NCKAP5: variants seen among roughly 807,000 people sequenced by gnomAD.
NCKAP5 encodes the protein nck-associated protein 5.
NCKAP5 carries 92 observed loss-of-function variants against 167.0 expected under a neutral mutation model. The observed-to-expected ratio is 0.55, with a 90% CI of 0.47 to 0.66. The LOEUF (loss-of-function observed/expected upper bound fraction) is 0.66, where lower values mean the gene tolerates loss of function less well. NCKAP5 is among the 30% of genes least tolerant of loss of function. The pLI is 0.00. For missense variants in NCKAP5, 2,378 were observed against 2,315.0 expected (o/e 1.03, Z -0.56); for synonymous variants, 891 against 877.4 (o/e 1.02, Z -0.27).
chr2:132,674,632 G>C (rs1432643621), intron 19 of NCKAP5, among the ~76,000 whole-genome samples: 1 of 152,144 alleles, frequency 6.6e-6, no homozygotes, highest in Non-Finnish European at 1.5e-5. Context: ...TTTTGATTGG[G>C]AAAATAGATA....
intron 3 of NCKAP5, among the ~76,000 whole-genome samples, chr2:133,470,497 T>C (rs2151278222): frequency 6.6e-6 from 1 of 152,328 alleles, no homozygotes; most frequent in Non-Finnish European, 1.5e-5. Context: ...AGGTGGAGCC[T>C]ACAGAGGCAG....
intron 3 of NCKAP5, among the ~76,000 whole-genome samples, chr2:133,411,202 C>G (rs921379322): frequency 2.0e-5 from 3 of 152,172 alleles, no homozygotes; most frequent in African/African-American, 4.8e-5. Flanking sequence ...TGTTCCTTGC[C>G]CATGTCACAT....
At chr2:133,233,200 T>C (rs1294161038) in intron 4 of NCKAP5, among the ~76,000 whole-genome samples, 2 of 152,176 alleles carry the variant, frequency 1.3e-5, no homozygotes, top group African/African-American at 2.4e-5. Flanking sequence ...TAATTCAGCA[T>C]TATATTCATT....
intron 5 of NCKAP5, among the ~76,000 whole-genome samples, chr2:133,177,628 T>C (rs2150018766): frequency 6.6e-6 from 1 of 152,164 alleles, no homozygotes. Context: ...ATATCTGAGG[T>C]CTCCACTCCT....
intron 3 of NCKAP5, among the ~76,000 whole-genome samples, chr2:133,494,066 T>C (rs1681711797): frequency 6.6e-6 from 1 of 152,228 alleles, no homozygotes; most frequent in Non-Finnish European, 1.5e-5. Context: ...GTGGAACTCA[T>C]GCTTTGGCCT....
chr2:133,470,841 A>G (rs1236694750), intron 3 of NCKAP5, among the ~76,000 whole-genome samples: 1 of 152,198 alleles, frequency 6.6e-6, no homozygotes, highest in Non-Finnish European at 1.5e-5. Flanking sequence ...GCGCTTCCCA[A>G]GTGAGGCAAT....
chr2:133,654,411 A>AATCC, the NCKAP5 span, among the ~76,000 whole-genome samples: 1 of 150,436 alleles, frequency 6.6e-6, no homozygotes, highest in African/African-American at 2.5e-5. Context: ...TAAATAAATA[A>AATCC]ATCCCTCAAA....
In NCKAP5 at chr2:132,672,976, C is replaced by A. The variant is rs1416591694; in HGVS notation, c.*313G>T. 3.2e-5 allele frequency: 10 copies of A among 316,392 alleles called. No individual in the cohort carries two copies. Among genetic ancestry groups the A allele is most frequent in the Non-Finnish European group, 3.6e-5 (9 of 248,420 alleles). 19.6% of individuals were successfully genotyped at this position (316,392 alleles called of 1,614,324 possible). A position where few individuals can be genotyped will look rare whatever the true frequency, so the allele number is the denominator to read the frequency against. On this transcript the variant is annotated 3_prime_UTR_variant, in exon 20 of 20. Transcript: ENST00000409261. ...GGTGCACCCCCCACCCCCCACCCAT[C>A]ATTTCTTAAGCGCTCCAGTCCCAGC...
chr2:132,897,375 T>G (rs1693286236), intron 8 of NCKAP5, among the ~76,000 whole-genome samples: 2 of 152,218 alleles, frequency 1.3e-5, no homozygotes, highest in South Asian at 4.1e-4. Flanking sequence ...GGGAAAACAG[T>G]GTCTTGTTGA....
At chr2:132,981,344 A>C (rs968815786) in intron 7 of NCKAP5, among the ~76,000 whole-genome samples, 1 of 152,266 alleles carries the variant, frequency 6.6e-6, no homozygotes, top group African/African-American at 2.4e-5. Context: ...CTGAGACAGC[A>C]GGCCAGGCCC....
At chr2:133,225,235 G>C (rs976962213) in intron 4 of NCKAP5, among the ~76,000 whole-genome samples, 5 of 126,618 alleles carry the variant, frequency 3.9e-5, no homozygotes, top group African/African-American at 1.4e-4. Flanking sequence ...GGGAATTCTT[G>C]AGGGAAAAAA....
At chr2:132,957,685 C>T (rs1340263106) in intron 8 of NCKAP5, among the ~76,000 whole-genome samples, 1 of 151,722 alleles carries the variant, frequency 6.6e-6, no homozygotes, top group Non-Finnish European at 1.5e-5. Context: ...GACATAAAAC[C>T]TAAAAAATAT....
At chr2:133,380,050 C>G (rs1686411155) in intron 3 of NCKAP5, among the ~76,000 whole-genome samples, 1 of 151,988 alleles carries the variant, frequency 6.6e-6, no homozygotes, top group Admixed American at 6.6e-5. Flanking sequence ...TGAATCTCAT[C>G]CTGTGGAACC....
chr2:132,782,001 T>A lies in NCKAP5; in HGVS notation c.4810A>T (p.Asn1604Tyr). The change falls in exon 14 of 20, where the codon AAT (asparagine) becomes TAT (tyrosine). Residue 1604 changes from asparagine (N) to tyrosine (Y), a missense_variant. Coordinates refer to ENST00000409261, the MANE Select transcript of NCKAP5 (RefSeq NM_207363.3). Reference protein sequence around the residue: ...IYNQLKIEPRNRHSPVACSTK... With the variant: ...IYNQLKIEPRYRHSPVACSTK... ...GAACATGCAACAGGGCTGTGTCTAT[T>A]CCTTGGTTCAATCTTCAGTTGGTTG... 1 of 1,614,034 alleles carries A rather than the reference T, an allele frequency of 6.2e-7. No individual in the cohort carries two copies. The highest frequency in any genetic ancestry group is 2.2e-5 in the East Asian group (1 of 44,884).
intron 11 of NCKAP5, among the ~76,000 whole-genome samples, chr2:132,836,575 G>A (rs1377160932): frequency 6.6e-6 from 1 of 151,826 alleles, no homozygotes; most frequent in Admixed American, 6.6e-5. Context: ...TAAGTTATTG[G>A]GGTACAGGTG....
At position 132,751,541 on chromosome 2, in the gene NCKAP5, G is replaced by T. The variant is rs111453579; in HGVS notation, c.5129-19490C>A. On this transcript the variant is annotated intron_variant, in intron 16 of 19. Coordinates refer to ENST00000409261, the MANE Select transcript of NCKAP5 (RefSeq NM_207363.3). ...GAAGCCAAGTTTATTATCTATGCTTGTAAATATAAACTCACTAATGGGTAT... is the reference window on the plus strand; with the variant it reads ...GAAGCCAAGTTTATTATCTATGCTTTTAAATATAAACTCACTAATGGGTAT... Among the ~76,000 whole-genome samples the T allele has an allele frequency of 3.4e-3, 524 of 152,266 alleles. 4 individuals are homozygous for T. The highest frequency in any genetic ancestry group is 0.012 in the African/African-American group (490 of 41,548).
chr2:132,841,101 C>T (rs1054160035), intron 11 of NCKAP5, among the ~76,000 whole-genome samples: 3 of 152,098 alleles, frequency 2.0e-5, no homozygotes, highest in African/African-American at 7.2e-5. Context: ...CATTCCAACA[C>T]CATATTGATT....
At chr2:132,868,451 T>C (rs1386484607) in intron 10 of NCKAP5, among the ~76,000 whole-genome samples, 1 of 152,204 alleles carries the variant, frequency 6.6e-6, no homozygotes. Context: ...GTAACTGTTC[T>C]ACATGCTTCC....
chr2:132,987,171 C>T (rs2077313934), intron 7 of NCKAP5, among the ~76,000 whole-genome samples: 1 of 152,206 alleles, frequency 6.6e-6, no homozygotes, highest in Non-Finnish European at 1.5e-5. Context: ...CCTGTGTGTC[C>T]TCCACTGGCT....
Sources: allele counts gnomAD v4.1 joint callset (sites outside exome capture counted in the v4.1 genomes callset), GRCh38; gene constraint gnomAD v4.1.1; transcripts MANE v1.5; gene names NCBI Gene and HGNC (gene_info 2026-07-23, HGNC 2026-07-21).